The following CADM1 variants were observed in gnomAD, a reference collection of about 807,000 sequenced individuals.
The protein encoded by CADM1 is cell adhesion molecule 1.
In CADM1, 15 loss-of-function variants were observed where a neutral mutation model predicts 53.1. That is an observed-to-expected ratio of 0.28 (90% CI 0.19 to 0.44). The LOEUF (loss-of-function observed/expected upper bound fraction) is 0.44. Among genes scored for constraint, CADM1 ranks in the 20% least tolerant of loss-of-function variants. CADM1 has a pLI of 1.00. For missense variants in CADM1, 434 were observed against 611.3 expected, an observed-to-expected ratio of 0.71 and a Z score of 3.06; for synonymous variants, 281 against 243.0, an observed-to-expected ratio of 1.16 and a Z score of -1.45.
chr11:115,241,840 T>C, intron 1 of CADM1, among the ~76,000 whole-genome samples: 1 of 152,120 alleles, frequency 6.6e-6, no homozygotes, highest in South Asian at 2.1e-4. Flanking sequence ...TAAAAAAATG[T>C]TCCCACATAA....
At chr11:115,503,714 T>G (rs1166032121) in intron 1 of CADM1, among the ~76,000 whole-genome samples, 1 of 151,458 alleles carries the variant, frequency 6.6e-6, no homozygotes, top group Non-Finnish European at 1.5e-5. Context: ...GCAGAGCGCG[T>G]TGGGGGAAGG....
chr11:115,367,943 G>A (rs900561673), intron 1 of CADM1, among the ~76,000 whole-genome samples: 9 of 151,822 alleles, frequency 5.9e-5, no homozygotes, highest in African/African-American at 2.2e-4. Context: ...AGATTGAAAT[G>A]GTTAAATGTC....
At chr11:115,498,145 A>G (rs1209832213) in intron 1 of CADM1, among the ~76,000 whole-genome samples, 1 of 152,174 alleles carries the variant, frequency 6.6e-6, no homozygotes, top group Non-Finnish European at 1.5e-5. Flanking sequence ...TAAAGGTAGT[A>G]ACCTTTTCTC....
chr11:115,179,715 C>A (rs1436129070), intron 10 of CADM1, among the ~76,000 whole-genome samples: 1 of 152,058 alleles, frequency 6.6e-6, no homozygotes, highest in Non-Finnish European at 1.5e-5. Context: ...GGAAGCTAAA[C>A]CATTGTCTTT....
intron 1 of CADM1, among the ~76,000 whole-genome samples, chr11:115,257,460 A>G (rs1179337043): frequency 6.6e-6 from 1 of 152,242 alleles, no homozygotes; most frequent in African/African-American, 2.4e-5. Flanking sequence ...ACATGTCAAA[A>G]GCACTAAATA....
At chr11:115,359,057 C>T (rs961425089) in intron 1 of CADM1, among the ~76,000 whole-genome samples, 1 of 152,158 alleles carries the variant, frequency 6.6e-6, no homozygotes. Flanking sequence ...GATTTGTATA[C>T]ATACATGCAT....
chr11:115,296,699 T>C (rs1944087601), intron 1 of CADM1, among the ~76,000 whole-genome samples: 1 of 152,194 alleles, frequency 6.6e-6, no homozygotes, highest in Non-Finnish European at 1.5e-5. Flanking sequence ...AAATCCCTTT[T>C]CTTTATAAAT....
intron 1 of CADM1, among the ~76,000 whole-genome samples, chr11:115,255,344 A>G (rs892884570): frequency 1.3e-5 from 2 of 152,202 alleles, no homozygotes; most frequent in African/African-American, 2.4e-5. Flanking sequence ...ACACCTGTCC[A>G]CCAGTCCCCT....
chr11:115,280,953 G>A (rs1400870320), intron 1 of CADM1, among the ~76,000 whole-genome samples: 1 of 152,196 alleles, frequency 6.6e-6, no homozygotes, highest in Admixed American at 6.5e-5. Context: ...TCCCTAGACA[G>A]TTTGTCAATT....
intron 1 of CADM1, among the ~76,000 whole-genome samples, chr11:115,501,061 C>T (rs1949715732): frequency 6.6e-6 from 1 of 152,132 alleles, no homozygotes; most frequent in African/African-American, 2.4e-5. Flanking sequence ...CTTTTATTCC[C>T]CCCCTTTTTC....
intron 1 of CADM1, among the ~76,000 whole-genome samples, chr11:115,315,601 A>T (rs1944643592): frequency 6.6e-6 from 1 of 151,874 alleles, no homozygotes; most frequent in Non-Finnish European, 1.5e-5. Flanking sequence ...CTTTAAATAT[A>T]CTTTTTGACA....
At chr11:115,182,627 T>C (rs754056690) in intron 10 of CADM1, among the ~76,000 whole-genome samples, 27 of 152,324 alleles carry the variant, frequency 1.8e-4, no homozygotes, top group Non-Finnish European at 3.2e-4. Flanking sequence ...TGTATCGCTG[T>C]GTCACCCTTC....
chr11:115,368,774 T>C (rs1260311502), intron 1 of CADM1, among the ~76,000 whole-genome samples: 1 of 152,022 alleles, frequency 6.6e-6, no homozygotes, highest in East Asian at 1.9e-4. Context: ...TACAGTACTG[T>C]CCAACAGAAG....
intron 8 of CADM1, among the ~76,000 whole-genome samples, chr11:115,203,726 C>T (rs1940547590): frequency 6.6e-6 from 1 of 152,100 alleles, no homozygotes; most frequent in East Asian, 1.9e-4. Flanking sequence ...ATTTCTCATT[C>T]ATTTTTTAAA....
intron 1 of CADM1, among the ~76,000 whole-genome samples, chr11:115,306,325 A>G (rs958299996): frequency 1.3e-5 from 2 of 152,050 alleles, no homozygotes; most frequent in Non-Finnish European, 2.9e-5. Flanking sequence ...TATAAAGCCT[A>G]GGAGTGTAGT....
At chr11:115,413,812 T>C (rs1947521540) in intron 1 of CADM1, among the ~76,000 whole-genome samples, 1 of 151,926 alleles carries the variant, frequency 6.6e-6, no homozygotes, top group Non-Finnish European at 1.5e-5. Context: ...GCCCAGCTAA[T>C]TTTTGTATTT....
intron 9 of CADM1, 95 bp downstream of exon 9, chr11:115,198,311 T>C: frequency 3.3e-6 from 3 of 913,568 alleles, no homozygotes; most frequent in South Asian, 1.4e-5. Flanking sequence ...ACTTGAAACA[T>C]GATTTCCCTT....
intron 3 of CADM1, among the ~76,000 whole-genome samples, chr11:115,234,299 C>T (rs1169065584): frequency 7.2e-5 from 11 of 152,176 alleles, no homozygotes; most frequent in East Asian, 1.9e-4. Context: ...TTATCAATAA[C>T]GTCTGCTGGT....
chr11:115,280,249 C>CT (rs1454813280), intron 1 of CADM1, among the ~76,000 whole-genome samples: 2 of 152,142 alleles, frequency 1.3e-5, no homozygotes, highest in Admixed American at 6.5e-5. Context: ...TTCTTTGACT[C>CT]TATTGGACAA....
Sources: gnomAD v4.1 joint callset for allele counts (sites outside exome capture counted in the v4.1 genomes callset) on GRCh38, gnomAD v4.1.1 for gene constraint, MANE v1.5 for transcripts, NCBI Gene and HGNC (gene_info 2026-07-23, HGNC 2026-07-21) for gene names.